Variants in FRMPD4 observed in about 807,000 individuals in gnomAD.
The protein encoded by FRMPD4 is FERM and PDZ domain containing 4.
FRMPD4 carries 22 observed loss-of-function variants against 94.1 expected under a neutral mutation model. The observed-to-expected ratio is 0.23, with a 90% confidence interval of 0.17 to 0.33. The LOEUF is 0.33. Among genes scored for constraint, FRMPD4 ranks in the 10% least tolerant of loss-of-function variants. The pLI, the probability that FRMPD4 is intolerant of heterozygous loss-of-function variation, is 1.00. For missense variants in FRMPD4, 1,111 were observed against 1,339.9 expected (o/e 0.83, Z 2.67); for synonymous variants, 631 against 548.6 (o/e 1.15, Z -2.10).
intron 1 of FRMPD4, among the ~76,000 whole-genome samples, chrX:12,190,201 G>A (rs981270284): frequency 9.0e-6 from 1 of 111,082 alleles, no homozygotes; most frequent in African/African-American, 3.3e-5. Flanking sequence ...TTTCATGAAA[G>A]AAATTAAAGA....
At chrX:12,266,132 C>CAAAAAAAAAAAAAAAA (rs3990340) in intron 1 of FRMPD4, among the ~76,000 whole-genome samples, 15 of 25,751 alleles carry the variant, frequency 5.8e-4, no homozygotes, top group East Asian at 9.5e-4. Flanking sequence ...GACTCCGTCT[C>CAAAAAAAAAAAAAAAA]AAAAAAAAAA....
In FRMPD4 at chrX:12,553,466, A is replaced by ATATATATATATATATC. The variant is rs368999462; in HGVS notation, c.158+54671_158+54672insATATATATATATATCT. 8.4e-3 allele frequency among the ~76,000 whole-genome samples: 652 copies of ATATATATATATATATC among 77,449 alleles called. 15 individuals are homozygous for ATATATATATATATATC. Among genetic ancestry groups the ATATATATATATATATC allele is most frequent in the East Asian group, 0.012 (28 of 2,278 alleles). 67.3% of individuals were successfully genotyped at this position (77,449 alleles called of 115,157 possible). A position where few individuals can be genotyped will look rare whatever the true frequency, so the allele number is the denominator to read the frequency against. On this transcript the variant is annotated intron_variant, in intron 2 of 16. Transcript: ENST00000675598. ...TATATATATATATATATATATATAT[A>ATATATATATATATATC]TCTAATCCACTAATTTATTTGCAAC...
intron 2 of FRMPD4, among the ~76,000 whole-genome samples, chrX:11,869,176 A>C (rs1481249111): frequency 8.9e-6 from 1 of 112,514 alleles, no homozygotes; most frequent in Non-Finnish European, 1.9e-5. Flanking sequence ...TATGATTTCA[A>C]GAAGTTATGT....
intron 1 of FRMPD4, among the ~76,000 whole-genome samples, chrX:12,450,039 TCTC>T (rs1211049270): frequency 9.1e-6 from 1 of 109,991 alleles, no homozygotes; most frequent in Non-Finnish European, 1.9e-5. Flanking sequence ...TTGAACTGGC[TCTC>T]CTTTTATTCC....
At chrX:11,856,417 T>C (rs1247548226) in intron 1 of FRMPD4, among the ~76,000 whole-genome samples, 3 of 111,993 alleles carry the variant, frequency 2.7e-5, no homozygotes, top group African/African-American at 9.8e-5. Context: ...AAATCAAAAA[T>C]GTGATTCATC....
At chrX:12,625,738 TAC>T (rs889260921) in intron 4 of FRMPD4, among the ~76,000 whole-genome samples, 3 of 111,669 alleles carry the variant, frequency 2.7e-5, no homozygotes, top group African/African-American at 9.8e-5. Context: ...GCAGAATGAC[TAC>T]AGTTAACAGT....
At chrX:12,679,739 T>C (rs2059946889) in intron 5 of FRMPD4, among the ~76,000 whole-genome samples, 1 of 111,948 alleles carries the variant, frequency 8.9e-6, no homozygotes. Context: ...CCTCAGACAG[T>C]ATAACTCTGA....
chrX:12,174,610 A>G (rs2056270180), intron 1 of FRMPD4, among the ~76,000 whole-genome samples: 1 of 111,795 alleles, frequency 8.9e-6, no homozygotes, highest in South Asian at 3.8e-4. Context: ...CTAGCAAACC[A>G]CATCTGGTCA....
intron 1 of FRMPD4, among the ~76,000 whole-genome samples, chrX:12,478,057 T>C (rs1339930941): frequency 8.9e-6 from 1 of 112,384 alleles, no homozygotes; most frequent in African/African-American, 3.2e-5. Context: ...CAGCTTCCAC[T>C]GTGCCCTTGC....
chrX:12,186,718 C>T (rs1304893989), intron 1 of FRMPD4, among the ~76,000 whole-genome samples: 1 of 111,994 alleles, frequency 8.9e-6, no homozygotes, highest in Non-Finnish European at 1.9e-5. Flanking sequence ...ACTAATAATG[C>T]TCCCATTCAT....
At chrX:11,882,091 A>G (rs554618092) in intron 3 of FRMPD4, among the ~76,000 whole-genome samples, 2 of 111,988 alleles carry the variant, frequency 1.8e-5, no homozygotes, top group African/African-American at 6.5e-5. Flanking sequence ...TATAAAAAAA[A>G]GTTTGAAAAG....
At chrX:12,712,217 T>TG (rs1351919230) in intron 14 of FRMPD4, among the ~76,000 whole-genome samples, 1 of 73,983 alleles carries the variant, frequency 1.4e-5, no homozygotes, top group Non-Finnish European at 2.5e-5. Flanking sequence ...TAATTAGCAG[T>TG]GAAAAAAAAA....
intron 3 of FRMPD4, among the ~76,000 whole-genome samples, chrX:11,907,281 A>T (rs1215786145): frequency 9.0e-6 from 1 of 111,170 alleles, no homozygotes; most frequent in Non-Finnish European, 1.9e-5. Flanking sequence ...TCCATTAAAA[A>T]AATCAACTCC....
chrX:11,834,973 C>A, intron 1 of FRMPD4, among the ~76,000 whole-genome samples: 1 of 111,844 alleles, frequency 8.9e-6, no homozygotes, highest in East Asian at 2.8e-4. Flanking sequence ...AGAAAAGGAT[C>A]TGTCATATTT....
intron 2 of FRMPD4, among the ~76,000 whole-genome samples, chrX:12,540,984 T>C (rs2058403407): frequency 8.9e-6 from 1 of 111,967 alleles, no homozygotes; most frequent in Non-Finnish European, 1.9e-5. Context: ...TGCTCCTGAA[T>C]GACTACTGGA....
chrX:11,849,132 C>T (rs891179350), intron 1 of FRMPD4, among the ~76,000 whole-genome samples: 1 of 110,878 alleles, frequency 9.0e-6, no homozygotes, highest in Non-Finnish European at 1.9e-5. Flanking sequence ...AATCAACATG[C>T]AAAAATCAGT....
chrX:12,489,702 T>C (rs1280308044), intron 1 of FRMPD4, among the ~76,000 whole-genome samples: 4 of 111,738 alleles, frequency 3.6e-5, no homozygotes, highest in Non-Finnish European at 5.7e-5. Flanking sequence ...ACAGACTGGG[T>C]CCTAAATGAA....
At chrX:11,973,636 CTG>C (rs1169149589) in intron 3 of FRMPD4, among the ~76,000 whole-genome samples, 2 of 112,163 alleles carry the variant, frequency 1.8e-5, no homozygotes, top group East Asian at 5.6e-4. Context: ...AAGAAGGCCT[CTG>C]TATGATTCTA....
intron 1 of FRMPD4, among the ~76,000 whole-genome samples, chrX:12,331,660 A>T (rs373021814): frequency 3.6e-4 from 27 of 75,378 alleles, no homozygotes; most frequent in South Asian, 3.3e-3. Context: ...TATTTATATA[A>T]TATATAAATA....
Sources: allele counts gnomAD v4.1 joint callset (sites outside exome capture counted in the v4.1 genomes callset), GRCh38; gene constraint gnomAD v4.1.1; transcripts MANE v1.5; gene names NCBI Gene and HGNC (gene_info 2026-07-23, HGNC 2026-07-21).